The following SFI1 variants were observed in gnomAD, a reference collection of about 807,000 sequenced individuals.
The protein encoded by SFI1 is protein SFI1 homolog.
SFI1 carries 195 observed loss-of-function variants against 207.5 expected under a neutral mutation model. The ratio of observed to expected loss-of-function variants is 0.94; its 90% CI spans 0.84 to 1.06. SFI1 has a LOEUF of 1.06. Among genes scored for constraint, SFI1 ranks in the 50% least tolerant of loss-of-function variants. The pLI is 0.00. For synonymous variants in SFI1, 630 were observed against 598.9 expected (o/e 1.05, Z -0.76); for missense variants, 1,634 against 1,588.0 (o/e 1.03, Z -0.49).
Position 31,561,316 on chromosome 22 carries a change from G to C in SFI1, c.689G>C (p.Arg230Pro), listed in dbSNP as rs1285223100. Residue 230 changes from arginine to proline, a missense_variant, in exon 8 of 33, where the codon CGA becomes CCA. Physicochemically the swap from Arg to Pro is moderately radical, Grantham distance 103 (BLOSUM62 -2). Transcript: ENST00000400288. Reference sequence around the variant, plus strand: ...GTGTGGTGGAGCACGTGGAGGCAGCGACTAGGACAGGTCCGTGTGAGCCGT... The same window carrying C: ...GTGTGGTGGAGCACGTGGAGGCAGCCACTAGGACAGGTCCGTGTGAGCCGT... ...LRVWWSTWRQ[R>P]LGQVRVSRAL... 1 of 1,614,044 alleles carries C rather than the reference G, an allele frequency of 6.2e-7. No individual in the cohort carries two copies. The highest frequency in any genetic ancestry group is 8.5e-7 in the Non-Finnish European group (1 of 1,179,978).
intron 31 of SFI1, 92 bp from the exon 32 acceptor site, chr22:31,618,023 G>T (rs537770336): frequency 2.2e-6 from 3 of 1,382,298 alleles, no homozygotes; most frequent in Middle Eastern, 2.6e-4. Context: ...CCCGATACCC[G>T]CATCAGAATT....
intron 3 of SFI1, among the ~76,000 whole-genome samples, chr22:31,530,072 T>C (rs1309620091): frequency 7.2e-6 from 1 of 138,432 alleles, no homozygotes; most frequent in East Asian, 2.1e-4. Context: ...CTCTGGAAGC[T>C]GAGGCAGGAG....
rs568515527 is a variant in SFI1, at chr22:31,524,981, A to T, written c.93-3709A>T. On this transcript the variant is annotated intron_variant, in intron 2 of 32. Transcript: ENST00000400288. ...AGCTAATTTTGTATTTTTAGTAGAG[A>T]TGGGGTTTCACCATGTTGGCCAGGC... 7.9e-5 allele frequency among the ~76,000 whole-genome samples: 12 copies of T among 151,496 alleles called. No homozygotes were observed. In the South Asian group the frequency reaches 2.3e-3, roughly 29 times the overall value.
chr22:31,614,193 G>A (rs2147362260), intron 27 of SFI1: 1 of 376,012 alleles, frequency 2.7e-6, no homozygotes, highest in East Asian at 4.8e-5. Context: ...AACAAGCTCA[G>A]CTCCTACCCG....
intron 21 of SFI1, 107 bp from the exon 22 acceptor site, chr22:31,607,830 G>C: frequency 1.2e-6 from 1 of 867,092 alleles, no homozygotes; most frequent in Non-Finnish European, 1.8e-6. Flanking sequence ...AGAAGCAAAT[G>C]GCAACAGCTT....
At chr22:31,575,016 G>A (rs1341466349) in intron 9 of SFI1, among the ~76,000 whole-genome samples, 3 of 149,118 alleles carry the variant, frequency 2.0e-5, no homozygotes, top group East Asian at 3.9e-4. Flanking sequence ...CCGAGATCCC[G>A]CCACTGCACT....
At position 31,602,283 on chromosome 22, in the gene SFI1, C is replaced by T. The variant is rs1052752460; in HGVS notation, c.1616C>T (p.Ala539Val). ...TTTCAGCATCGAGAAAACCGCCTGGCAGAGAGAATGGTAAATGGCTGTCCC... is the reference window on the plus strand; with the variant it reads ...TTTCAGCATCGAGAAAACCGCCTGGTAGAGAGAATGGTAAATGGCTGTCCC... The part of the protein sequence containing the change: ...KMFQHRENRL[A>V]ERMAILHAER... Residue 539 changes from alanine to valine, a missense_variant, in exon 16 of 33, where the codon GCA (alanine) becomes GTA (valine). Physicochemically the swap from Ala to Val is moderately conservative, Grantham distance 64 (BLOSUM62 0). Coordinates refer to ENST00000400288, the MANE Select transcript of SFI1 (RefSeq NM_001007467.3). 4.5e-5 allele frequency: 73 copies of T among 1,613,744 alleles called. No homozygotes were observed. The highest frequency in any genetic ancestry group is 5.8e-5 in the Non-Finnish European group (69 of 1,179,844).
chr22:31,517,969 A>G (rs564714263), intron 2 of SFI1, among the ~76,000 whole-genome samples: 1 of 152,076 alleles, frequency 6.6e-6, no homozygotes, highest in African/African-American at 2.4e-5. Context: ...TCCCTCCCCA[A>G]AATAGAATCT....
chr22:31,560,611 C>G (rs1014938358), intron 7 of SFI1, among the ~76,000 whole-genome samples: 1 of 151,558 alleles, frequency 6.6e-6, no homozygotes, highest in African/African-American at 2.4e-5. Flanking sequence ...CCATGATGGC[C>G]AAGCTGGTTT....
At chr22:31,570,089 T>C (rs1318737339) in intron 8 of SFI1, among the ~76,000 whole-genome samples, 3 of 151,444 alleles carry the variant, frequency 2.0e-5, no homozygotes, top group Non-Finnish European at 4.4e-5. Context: ...TGCACTTCAG[T>C]CTGGCAGTCT....
intron 12 of SFI1, among the ~76,000 whole-genome samples, chr22:31,582,236 A>ATATATATATATATATATATT (rs1487021004): frequency 9.9e-5 from 1 of 10,140 alleles, no homozygotes; most frequent in African/African-American, 3.5e-4. Context: ...ATATATATAT[A>ATATATATATATATATATATT]TTTTTTTTTT....
chr22:31,568,583 G>A (rs2062643047), intron 8 of SFI1, among the ~76,000 whole-genome samples: 1 of 138,608 alleles, frequency 7.2e-6, no homozygotes, highest in Admixed American at 7.3e-5. Flanking sequence ...CAGTAATATA[G>A]CATTTAGTAT....
At chr22:31,497,190 GA>G (rs1276837898) in intron 1 of SFI1, 1 of 151,644 alleles carries the variant, frequency 6.6e-6, no homozygotes, top group Non-Finnish European at 1.5e-5. Context: ...AATATTTGTT[GA>G]ATGAATGATG....
intron 9 of SFI1, among the ~76,000 whole-genome samples, chr22:31,574,288 C>T (rs2063253018): frequency 6.6e-6 from 1 of 152,182 alleles, no homozygotes; most frequent in Non-Finnish European, 1.5e-5. Flanking sequence ...ACCAACAGTC[C>T]AGTTGCCCAG....
At chr22:31,610,379 T>G (rs905256452) in intron 22 of SFI1, among the ~76,000 whole-genome samples, 1 of 152,276 alleles carries the variant, frequency 6.6e-6, no homozygotes, top group East Asian at 1.9e-4. Context: ...GGTAGAGAGA[T>G]ACACACTTAG....
At chr22:31,497,519 CCT>C (rs1298283391) in intron 1 of SFI1, among the ~76,000 whole-genome samples, 5 of 152,124 alleles carry the variant, frequency 3.3e-5, no homozygotes, top group African/African-American at 9.7e-5. Context: ...CTGCCAGTTC[CCT>C]GTTTCTCTCC....
Position 31,573,112 on chromosome 22 carries a change from G to A in SFI1, c.820G>A (p.Val274Ile), listed in dbSNP as rs199812634. The change falls in exon 9 of 33, where the codon GTT (valine) becomes ATT (isoleucine). Residue 274 changes from valine to isoleucine, a missense_variant. By Grantham distance (29) the Val-to-Ile change is conservative. Coordinates refer to ENST00000400288, the MANE Select transcript of SFI1 (RefSeq NM_001007467.3). ...LLYVQKEKQKVVSAVKHHQHW... is the reference protein window; with the variant it reads ...LLYVQKEKQKIVSAVKHHQHW... ...GTATGTCCAGAAGGAGAAACAAAAG[G>A]TTGTCTCTGCAGTGAAACATCATCA... is the stretch of plus-strand genomic sequence containing the variant. 3.1e-4 allele frequency: 507 copies of A among 1,613,924 alleles called. No homozygotes were observed. The highest frequency in any genetic ancestry group is 8.2e-4 in the Admixed American group (49 of 59,970).
intron 7 of SFI1, among the ~76,000 whole-genome samples, 188 bp from the exon 8 acceptor site, chr22:31,561,102 A>G (rs551389973): frequency 6.6e-6 from 1 of 152,316 alleles, no homozygotes; most frequent in Admixed American, 6.5e-5. Flanking sequence ...GTTTCCAACC[A>G]TTAATGGGCA....
upstream of SFI1, chr22:31,496,326 CGGTG>C (rs1481921157): frequency 1.3e-5 from 2 of 152,290 alleles, no homozygotes; most frequent in Non-Finnish European, 2.9e-5. Flanking sequence ...AAAGAACCCT[CGGTG>C]GGGATGCCCA....
Sources: gnomAD v4.1 joint callset for allele counts (sites outside exome capture counted in the v4.1 genomes callset) on GRCh38, gnomAD v4.1.1 for gene constraint, MANE v1.5 for transcripts, NCBI Gene and HGNC (gene_info 2026-07-23, HGNC 2026-07-21) for gene names.